Variants in TBC1D12 observed in about 807,000 individuals in gnomAD.
The protein encoded by TBC1D12 is TBC1 domain family, member 12.
In TBC1D12, 56 loss-of-function variants were observed where a neutral mutation model predicts 86.7. That is an observed-to-expected ratio of 0.65 (90% confidence interval 0.52 to 0.81). The LOEUF (loss-of-function observed/expected upper bound fraction) is 0.81. Ranked by LOEUF, TBC1D12 falls within the 30% of genes least tolerant of loss-of-function variation. TBC1D12 has a pLI of 0.00. For missense variants in TBC1D12, 1,023 were observed against 1,038.8 expected, an observed-to-expected ratio of 0.98 and a Z score of 0.21; for synonymous variants, 421 against 411.7, an observed-to-expected ratio of 1.02 and a Z score of -0.27.
intron 9 of TBC1D12, 140 bp from the exon 10 acceptor site, chr10:94,521,814 TA>T: frequency 2.8e-6 from 2 of 713,940 alleles, no homozygotes; most frequent in Non-Finnish European, 4.1e-6. Flanking sequence ...TCTCTGTATT[TA>T]CCTTTGCTGG....
chr10:94,433,550 T>C (rs2055248854), intron 1 of TBC1D12, among the ~76,000 whole-genome samples: 1 of 152,224 alleles, frequency 6.6e-6, no homozygotes, highest in Non-Finnish European at 1.5e-5. Context: ...CTCTAGTTTT[T>C]CATGTGAGAA....
chr10:94,516,592 C>G (rs1156832673), intron 9 of TBC1D12, among the ~76,000 whole-genome samples: 6 of 137,714 alleles, frequency 4.4e-5, no homozygotes, highest in Admixed American at 3.1e-4. Flanking sequence ...GACAGGCCCC[C>G]GTGTGTGATG....
chr10:94,460,952 C>A (rs1234152697), intron 2 of TBC1D12, among the ~76,000 whole-genome samples: 1 of 152,080 alleles, frequency 6.6e-6, no homozygotes, highest in Non-Finnish European at 1.5e-5. Context: ...TTAAATTTTT[C>A]ATCTCTTACA....
rs891320986 is a variant in TBC1D12, at chr10:94,493,458, T to A, written c.1294+11T>A. On this transcript the variant is annotated intron_variant, in intron 4 of 12. Transcript: ENST00000225235. ...AGGCTAAAAAACGAGGTATAAAATT[T>A]AACTCCAAATGGTATAATTTTCTGA... The A allele has an allele frequency of 1.3e-6, 2 of 1,584,064 alleles. No homozygotes were observed. Among genetic ancestry groups the A allele is most frequent in the African/African-American group, 2.7e-5 (2 of 73,998 alleles).
chr10:94,515,330 G>A (rs2056578073), intron 9 of TBC1D12, among the ~76,000 whole-genome samples: 2 of 151,218 alleles, frequency 1.3e-5, no homozygotes, highest in South Asian at 4.2e-4. Context: ...GAATATATAG[G>A]TTTGGTTTTT....
chr10:94,467,389 C>A (rs922230123), intron 2 of TBC1D12, among the ~76,000 whole-genome samples: 2 of 151,932 alleles, frequency 1.3e-5, no homozygotes, highest in Non-Finnish European at 2.9e-5. Flanking sequence ...TGCACCACCA[C>A]GCCCGGCTAA....
intron 1 of TBC1D12, among the ~76,000 whole-genome samples, chr10:94,415,608 C>T (rs1279794157): frequency 6.6e-6 from 1 of 152,108 alleles, no homozygotes; most frequent in South Asian, 2.1e-4. Context: ...GTGGCGGGTG[C>T]CTGTAGTCCC....
chr10:94,507,650 GAATTAA>G (rs1438851525), intron 7 of TBC1D12, among the ~76,000 whole-genome samples: 1 of 152,084 alleles, frequency 6.6e-6, no homozygotes. Context: ...GAAATTATGA[GAATTAA>G]AATTATAAGT....
intron 9 of TBC1D12, among the ~76,000 whole-genome samples, chr10:94,513,771 G>C (rs2134210579): frequency 6.6e-6 from 1 of 152,016 alleles, no homozygotes; most frequent in Non-Finnish European, 1.5e-5. Flanking sequence ...TGTTTCCCAG[G>C]CTTATCTTGA....
chr10:94,457,159 GCATGTGC>G (rs759352212), intron 2 of TBC1D12, among the ~76,000 whole-genome samples: 1 of 152,140 alleles, frequency 6.6e-6, no homozygotes, highest in Non-Finnish European at 1.5e-5. Flanking sequence ...ACGTAGGTAT[GCATGTGC>G]CATGGTTGTT....
intron 2 of TBC1D12, chr10:94,447,758 T>C: frequency 1.1e-6 from 1 of 881,328 alleles, no homozygotes; most frequent in Non-Finnish European, 1.4e-6. Flanking sequence ...TTTGTTTTTT[T>C]TTCTAAATTA....
At chr10:94,515,244 G>A (rs2056576858) in intron 9 of TBC1D12, among the ~76,000 whole-genome samples, 1 of 151,532 alleles carries the variant, frequency 6.6e-6, no homozygotes, top group Non-Finnish European at 1.5e-5. Flanking sequence ...CAACACTTAT[G>A]TTTTGTCTTT....
chr10:94,463,692 A>G (rs1347656887), intron 2 of TBC1D12, among the ~76,000 whole-genome samples: 1 of 152,224 alleles, frequency 6.6e-6, no homozygotes, highest in Non-Finnish European at 1.5e-5. Context: ...CAATTTATTG[A>G]GACTTGTTTA....
chr10:94,531,754 T>G (rs531030213), intron 12 of TBC1D12, among the ~76,000 whole-genome samples: 10 of 118,418 alleles, frequency 8.4e-5, no homozygotes, highest in South Asian at 5.4e-4. Context: ...TTTATGTTAT[T>G]TTATTTTATT....
In TBC1D12 at chr10:94,474,781, A is replaced by G. The variant is rs562482783; in HGVS notation, c.1209A>G (p.Pro403=). ...CTGCCTTGATTCTTGAGGATCGACC[A>G]TCGTAAGTATTTTAGTGATAATCAG... is the stretch of plus-strand genomic sequence containing the variant. The part of the protein sequence containing the change: ...STTALILEDR[P]SNLPAKSVEE... Residue 403 remains proline (P), a splice_region_variant and synonymous_variant, in exon 3 of 13, where the codon CCA becomes CCG. Coordinates refer to ENST00000225235, the MANE Select transcript of TBC1D12 (RefSeq NM_015188.2). 9.9e-6 allele frequency: 16 copies of G among 1,612,226 alleles called. No individual in the cohort carries two copies. The highest frequency in any genetic ancestry group is 6.7e-5 in the Admixed American group (4 of 59,952).
At chr10:94,417,078 G>C (rs1252237890) in intron 1 of TBC1D12, among the ~76,000 whole-genome samples, 1 of 152,062 alleles carries the variant, frequency 6.6e-6, no homozygotes, top group African/African-American at 2.4e-5. Flanking sequence ...AACATTTGTG[G>C]GTTTTTTAAA....
chr10:94,481,713 AT>A (rs2056080510), intron 3 of TBC1D12, among the ~76,000 whole-genome samples: 1 of 151,082 alleles, frequency 6.6e-6, no homozygotes, highest in Non-Finnish European at 1.5e-5. Context: ...AGCACTTTTA[AT>A]TTCCTTCAAG....
At chr10:94,422,571 A>G (rs1050271500) in intron 1 of TBC1D12, among the ~76,000 whole-genome samples, 4 of 151,854 alleles carry the variant, frequency 2.6e-5, no homozygotes, top group Non-Finnish European at 4.4e-5. Context: ...CTATCAGGAA[A>G]CAGTTTGTTT....
chr10:94,453,561 G>A (rs552349292), intron 2 of TBC1D12, among the ~76,000 whole-genome samples: 2 of 152,206 alleles, frequency 1.3e-5, no homozygotes, highest in South Asian at 4.2e-4. Flanking sequence ...AAAGCACATA[G>A]AGGGTTCAGT....
Sources: gnomAD v4.1 joint callset for allele counts (sites outside exome capture counted in the v4.1 genomes callset) on GRCh38, gnomAD v4.1.1 for gene constraint, MANE v1.5 for transcripts, NCBI Gene and HGNC (gene_info 2026-07-23, HGNC 2026-07-21) for gene names.